The following ARID5A variants were observed in gnomAD, a reference collection of about 807,000 sequenced individuals.
ARID5A encodes AT-rich interaction domain 5A.
In ARID5A, 14 loss-of-function variants were observed where a neutral mutation model predicts 30.5. The ratio of observed to expected loss-of-function variants is 0.46; its 90% CI spans 0.30 to 0.72. ARID5A has a LOEUF of 0.72. Among genes scored for constraint, ARID5A ranks in the 30% least tolerant of loss-of-function variants. ARID5A has a pLI of 0.07. For synonymous variants in ARID5A, 338 were observed against 340.4 expected, an observed-to-expected ratio of 0.99 and a Z score of 0.08; for missense variants, 669 against 786.2, an observed-to-expected ratio of 0.85 and a Z score of 1.78.
Position 96,552,248 on chromosome 2 carries a change from T to C in ARID5A, c.1720T>C (p.Trp574Arg), listed in dbSNP as rs776190007. The C allele has an allele frequency of 2.4e-5, 39 of 1,613,232 alleles. No homozygotes were observed. Among genetic ancestry groups the C allele is most frequent in the Non-Finnish European group, 3.3e-5 (39 of 1,179,884 alleles). The stretch of plus-strand genomic sequence containing the variant: ...CAGACTTTGCCCGGCCTCATCTGCC[T>C]GGCACGCACCACCAGTCACAACCTA... ...RHRLCPASSA[W>R]HAPPVTTYAA... The change falls in exon 7 of 7, where the codon TGG becomes CGG. Residue 574 changes from tryptophan to arginine, a missense_variant. By Grantham distance (101) the Trp-to-Arg change is moderately radical. Coordinates refer to ENST00000357485, the MANE Select transcript of ARID5A (RefSeq NM_212481.3).
Position 96,549,217 on chromosome 2 carries a change from T to C in ARID5A, c.121-104T>C. 7 of 1,522,284 alleles carry C rather than the reference T, an allele frequency of 4.6e-6. No homozygotes were observed. Among genetic ancestry groups the C allele is most frequent in the Non-Finnish European group, 6.2e-6 (7 of 1,135,512 alleles). The allele number at this position is 1,522,284 out of a possible 1,614,324, so 94.3% of individuals were successfully genotyped here. A position where few individuals can be genotyped will look rare whatever the true frequency, so the allele number is the denominator to read the frequency against. On this transcript the variant is annotated intron_variant, in intron 2 of 6. Coordinates refer to ENST00000357485, the MANE Select transcript of ARID5A (RefSeq NM_212481.3). The surrounding 1 kb of genome is among the most constrained non-coding windows in gnomAD (Gnocchi z 6.1). ...CTAGGTGTTCTCTGGGAAACTGGGG[T>C]TGGGGTAGGTACCTTATTCCTCCTG... is the stretch of plus-strand genomic sequence containing the variant.
chr2:96,536,835 G>A lies in ARID5A; in HGVS notation c.4+5G>A. The A allele has an allele frequency of 8.2e-7, 1 of 1,226,776 alleles. No individual in the cohort carries two copies. The highest frequency in any genetic ancestry group is 1.0e-6 in the Non-Finnish European group (1 of 984,610). 76.0% of individuals were successfully genotyped at this position (1,226,776 alleles called of 1,614,324 possible). On this transcript the variant is annotated splice_donor_5th_base_variant and intron_variant, in intron 1 of 6. Coordinates refer to ENST00000357485, the MANE Select transcript of ARID5A (RefSeq NM_212481.3). Reference sequence around the variant, plus strand: ...CGGGACCTCTCCGGGCCATGGGTAAGCGGCTCTGCGGCGCGGCCCGGACAG... The same window carrying A: ...CGGGACCTCTCCGGGCCATGGGTAAACGGCTCTGCGGCGCGGCCCGGACAG...
chr2:96,551,907 G>T lies in ARID5A; in HGVS notation c.1379G>T (p.Arg460Leu). 2 of 1,537,980 alleles carry T rather than the reference G, an allele frequency of 1.3e-6. No homozygotes were observed. Among genetic ancestry groups the T allele is most frequent in the Non-Finnish European group, 1.7e-6 (2 of 1,144,592 alleles). ...EGAAHSGKRL[R>L]AVSPFLKEAD... ...GCTGCCCACAGTGGGAAGAGACTGC[G>T]GGCCGTGTCTCCCTTTCTTAAGGAG... is the stretch of plus-strand genomic sequence containing the variant. The change falls in exon 7 of 7, where the codon CGG (arginine) becomes CTG (leucine). Residue 460 changes from arginine (R) to leucine (L), a missense_variant. Physicochemically the swap from Arg to Leu is moderately radical, Grantham distance 102. Transcript: ENST00000357485.
At position 96,551,402 on chromosome 2, in the gene ARID5A, G is replaced by C. The variant is rs781413902; in HGVS notation, c.874G>C (p.Val292Leu). The change falls in exon 7 of 7, where the codon GTT becomes CTT. Residue 292 changes from valine to leucine, a missense_variant. By Grantham distance (32) the Val-to-Leu change is conservative (BLOSUM62 1). This residue lies in a region of ARID5A where 548 missense variants were observed against 577.4 expected (regional missense o/e 0.95). Coordinates refer to ENST00000357485, the MANE Select transcript of ARID5A (RefSeq NM_212481.3). ...GGCAGAGCCCCAGGCGTCCCCAGCT[G>C]TTCACCTCCCAGAGAGTCCCCAGAG... ...HGAEPQASPA[V>L]HLPESPQSPK... The C allele has an allele frequency of 1.9e-6, 3 of 1,607,874 alleles. No individual in the cohort carries two copies. The highest frequency in any genetic ancestry group is 2.2e-5 in the South Asian group (2 of 90,570).
In ARID5A at chr2:96,551,117, A is replaced by C; in HGVS notation, c.589A>C (p.Lys197Gln). 6.2e-7 allele frequency: 1 copy of C among 1,612,438 alleles called. No individual in the cohort carries two copies. The highest frequency in any genetic ancestry group is 8.5e-7 in the Non-Finnish European group (1 of 1,179,274). ...ATTCCAGATGATGCCAGGAAAGACCAAAGCAGATGCTGCTGACCCAGCACC... is the reference window on the plus strand; with the variant it reads ...ATTCCAGATGATGCCAGGAAAGACCCAAGCAGATGCTGCTGACCCAGCACC... The part of the protein sequence containing the change: ...RMDQMMPGKT[K>Q]ADAADPAPLP... The change falls in exon 7 of 7, where the codon AAA becomes CAA. Residue 197 changes from lysine (K) to glutamine (Q), a missense_variant. Lys to Gln is a moderately conservative substitution (Grantham distance 53, BLOSUM62 1). This residue lies in a region of ARID5A where 548 missense variants were observed against 577.4 expected (regional missense o/e 0.95). Coordinates refer to ENST00000357485, the MANE Select transcript of ARID5A (RefSeq NM_212481.3).
intron 2 of ARID5A, among the ~76,000 whole-genome samples, chr2:96,547,841 G>A (rs2065956300): frequency 6.6e-6 from 1 of 152,204 alleles, no homozygotes; most frequent in South Asian, 2.1e-4. Flanking sequence ...AAGTCACTCG[G>A]TGAGACCAGC....
intron 2 of ARID5A, among the ~76,000 whole-genome samples, chr2:96,548,019 G>A (rs992842401): frequency 5.3e-5 from 8 of 152,184 alleles, no homozygotes; most frequent in African/African-American, 1.9e-4. Context: ...GTTGTCTTTA[G>A]CAGCTTGCCA....
intron 1 of ARID5A, among the ~76,000 whole-genome samples, chr2:96,545,278 TC>T (rs1251255099): frequency 6.6e-6 from 1 of 150,376 alleles, no homozygotes; most frequent in African/African-American, 2.4e-5. Flanking sequence ...TGCCTCAGCC[TC>T]CTGAGTTGCT....
At position 96,550,140 on chromosome 2, in the gene ARID5A, C is replaced by T. The variant is rs1259994691; in HGVS notation, c.313-48C>T. 1 of 1,530,906 alleles carries T rather than the reference C, an allele frequency of 6.5e-7. No homozygotes were observed. The highest frequency in any genetic ancestry group is 2.5e-5 in the East Asian group (1 of 40,504). The allele number at this position is 1,530,906 out of a possible 1,614,324, so 94.8% of individuals were successfully genotyped here. A position where few individuals can be genotyped will look rare whatever the true frequency, so the allele number is the denominator to read the frequency against. On this transcript the variant is annotated intron_variant, in intron 4 of 6. Transcript: ENST00000357485. The surrounding 1 kb of genome is among the most constrained non-coding windows in gnomAD (Gnocchi z 6.6). ...GGCGGCCGGAGCTGCAAGGACCCCG[C>T]CGCCAGGGGGCGCCCGCCGGCCGCG...
intron 1 of ARID5A, among the ~76,000 whole-genome samples, chr2:96,542,081 C>T (rs1047650827): frequency 2.6e-5 from 4 of 152,216 alleles, no homozygotes; most frequent in African/African-American, 4.8e-5. Context: ...TCTATGGCAG[C>T]GGGTTTCAAG....
rs968524666 is a variant in ARID5A at position 96,551,446 on chromosome 2, G to C, written c.918G>C (p.Glu306Asp). ...ESPQSPKGLT[E>D]NSRHRLTPQE... ...CCCAGAGCCCCAAAGGGCTGACTGA[G>C]AACTCCAGGCACCGGCTGACCCCTC... The change falls in exon 7 of 7, where the codon GAG (glutamate) becomes GAC (aspartate). Residue 306 changes from glutamate (E) to aspartate (D), a missense_variant. Coordinates refer to ENST00000357485, the MANE Select transcript of ARID5A (RefSeq NM_212481.3). The C allele has an allele frequency of 3.8e-6, 6 of 1,594,346 alleles. No homozygotes were observed. The highest frequency in any genetic ancestry group is 5.1e-6 in the Non-Finnish European group (6 of 1,171,094).
In ARID5A at chr2:96,537,788, C is replaced by T. The variant is rs906801991; in HGVS notation, c.4+958C>T. On this transcript the variant is annotated intron_variant, in intron 1 of 6. Transcript: ENST00000357485. The surrounding 1 kb of genome is among the most constrained non-coding windows in gnomAD (Gnocchi z 4.8). Reference sequence around the variant, plus strand: ...TGGGGTCGCGTCACCCTCCGCCCAGCGCCGGCGTGGTGGGGCTTGCGCGGT... The same window carrying T: ...TGGGGTCGCGTCACCCTCCGCCCAGTGCCGGCGTGGTGGGGCTTGCGCGGT... 35 of 902,208 alleles carry T rather than the reference C, an allele frequency of 3.9e-5. No individual in the cohort carries two copies. In the African/African-American group the frequency reaches 6.1e-4, roughly 16 times the overall value. The allele number at this position is 902,208 out of a possible 1,614,324, so 55.9% of individuals were successfully genotyped here. A position where few individuals can be genotyped will look rare whatever the true frequency, so the allele number is the denominator to read the frequency against.
At position 96,550,340 on chromosome 2, in the gene ARID5A, C is replaced by A; in HGVS notation, c.410+55C>A. The A allele has an allele frequency of 1.4e-6, 2 of 1,423,178 alleles. No individual in the cohort carries two copies. The highest frequency in any genetic ancestry group is 5.3e-5 in the East Asian group (2 of 37,954). 88.2% of individuals were successfully genotyped at this position (1,423,178 alleles called of 1,614,324 possible). A position where few individuals can be genotyped will look rare whatever the true frequency, so the allele number is the denominator to read the frequency against. On this transcript the variant is annotated intron_variant, in intron 5 of 6. Coordinates refer to ENST00000357485, the MANE Select transcript of ARID5A (RefSeq NM_212481.3). This position sits in a 1 kb window ranked among gnomAD's most constrained non-coding sequence, Gnocchi z 6.6. The stretch of plus-strand genomic sequence containing the variant: ...GCCGCCTACCCTGCGGGGCTTTGGC[C>A]GACCTTGCCGGGAGGGCCGGGTGGA...
At chr2:96,538,330 G>C (rs1297576295) in intron 1 of ARID5A, 8 of 985,478 alleles carry the variant, frequency 8.1e-6, no homozygotes, top group Admixed American at 6.1e-5. Context: ...CGGTAAGAGG[G>C]ACAGGGAGAA....
chr2:96,541,031 C>A lies in ARID5A; in HGVS notation c.4+4201C>A, dbSNP rs190357320. On this transcript the variant is annotated intron_variant, in intron 1 of 6. Transcript: ENST00000357485. ...AAGTGCCAGGATTACAGGCGTGAGC[C>A]ACCGCACCTGGCCTTTTTTTTTTTT... Among the ~76,000 whole-genome samples the A allele has an allele frequency of 4.2e-3, 623 of 146,858 alleles. 8 individuals are homozygous for A. Among genetic ancestry groups the A allele is most frequent in the Middle Eastern group, 0.026 (6 of 228 alleles).
Position 96,551,857 on chromosome 2 carries a change from C to G in ARID5A, c.1329C>G (p.Ser443Arg). 6.3e-7 allele frequency: 1 copy of G among 1,593,960 alleles called. No homozygotes were observed. Among genetic ancestry groups the G allele is most frequent in the Non-Finnish European group, 8.5e-7 (1 of 1,171,568 alleles). Residue 443 changes from serine (S) to arginine (R), a missense_variant, in exon 7 of 7, where the codon AGC becomes AGG. Physicochemically the swap from Ser to Arg is moderately radical, Grantham distance 110. This residue lies in a region of ARID5A where 548 missense variants were observed against 577.4 expected (regional missense o/e 0.95). Transcript: ENST00000357485. ...PTFPSSPGLGSKRSLEEEGAA... is the reference protein window; with the variant it reads ...PTFPSSPGLGRKRSLEEEGAA... ...TCCCCAGTAGCCCAGGCCTGGGCAG[C>G]AAGCGCAGCCTGGAGGAAGAGGGTG...
At position 96,537,097 on chromosome 2, in the gene ARID5A, G is replaced by A. The variant is rs1299711249; in HGVS notation, c.4+267G>A. Among the ~76,000 whole-genome samples, 2 of 152,174 alleles carry A rather than the reference G, an allele frequency of 1.3e-5. No homozygotes were observed. On this transcript the variant is annotated intron_variant, in intron 1 of 6. Coordinates refer to ENST00000357485, the MANE Select transcript of ARID5A (RefSeq NM_212481.3). The surrounding 1 kb of genome is among the most constrained non-coding windows in gnomAD (Gnocchi z 4.8). ...AAAGACAAAAAGTTTTGGCGGCCAGGGGCTTCCCGGGCGTTTATCTCGAAA... is the reference window on the plus strand; with the variant it reads ...AAAGACAAAAAGTTTTGGCGGCCAGAGGCTTCCCGGGCGTTTATCTCGAAA...
chr2:96,550,293 G>A lies in ARID5A; in HGVS notation c.410+8G>A, dbSNP rs2066007752. The stretch of plus-strand genomic sequence containing the variant: ...GCGCCGCCACTACGAGAGGTACGGC[G>A]GGGCGGGCCCGGGTGCTGGACGCCG... On this transcript the variant is annotated splice_region_variant and intron_variant, in intron 5 of 6. Transcript: ENST00000357485. This position sits in a 1 kb window ranked among gnomAD's most constrained non-coding sequence, Gnocchi z 6.6. 6.9e-7 allele frequency: 1 copy of A among 1,441,776 alleles called. No individual in the cohort carries two copies. Among genetic ancestry groups the A allele is most frequent in the African/African-American group, 1.5e-5 (1 of 68,354 alleles). 89.3% of individuals were successfully genotyped at this position (1,441,776 alleles called of 1,614,324 possible). A position where few individuals can be genotyped will look rare whatever the true frequency, so the allele number is the denominator to read the frequency against.
chr2:96,542,130 C>A (rs563166049), intron 1 of ARID5A, among the ~76,000 whole-genome samples: 1 of 152,154 alleles, frequency 6.6e-6, no homozygotes, highest in Non-Finnish European at 1.5e-5. Context: ...CAAATATAAC[C>A]CTGATCTGTG....
Sources: gnomAD v4.1 joint callset for allele counts (sites outside exome capture counted in the v4.1 genomes callset) on GRCh38, gnomAD v4.1.1 for gene constraint, gnomAD v4.1.1 regional missense constraint, Gnocchi (gnomAD v3.1) non-coding constraint, MANE v1.5 for transcripts, NCBI Gene and HGNC (gene_info 2026-07-23, HGNC 2026-07-21) for gene names.